The following GSE1 variants were observed in gnomAD, a reference collection of about 807,000 sequenced individuals.
GSE1 encodes Gse1 coiled-coil protein.
Under a neutral mutation model 112.6 loss-of-function variants are expected in GSE1, and 32 were observed. The ratio of observed to expected loss-of-function variants is 0.28; its 90% CI spans 0.21 to 0.38. The LOEUF is 0.38. Among genes scored for constraint, GSE1 ranks in the 10% least tolerant of loss-of-function variants. GSE1 has a pLI of 1.00. For missense variants in GSE1, 2,348 were observed against 1,699.2 expected, an observed-to-expected ratio of 1.38 and a Z score of -6.71; for synonymous variants, 1,115 against 735.6, an observed-to-expected ratio of 1.52 and a Z score of -8.35.
At chr16:85,586,398 G>A (rs1422673919) in intron 1 of GSE1, among the ~76,000 whole-genome samples, 3 of 152,232 alleles carry the variant, frequency 2.0e-5, no homozygotes, top group East Asian at 3.9e-4. Context: ...AGTGCCGGGA[G>A]GGACAGCCCC....
At chr16:85,555,624 A>G, upstream of GSE1, 3 of 949,784 alleles carry the variant, frequency 3.2e-6, no homozygotes, top group Non-Finnish European at 3.7e-6. Flanking sequence ...GCTAAGGGGA[A>G]ACAAAACAAA....
chr16:85,665,187 C>T, intron 12 of GSE1, 59 bp downstream of exon 12: 1 of 1,000,908 alleles, frequency 1.0e-6, no homozygotes, highest in African/African-American at 1.6e-5. Context: ...GCTGCCCAGG[C>T]TCAGAGGCGA....
At chr16:85,645,836 G>A (rs535182328) in intron 2 of GSE1, among the ~76,000 whole-genome samples, 14 of 151,972 alleles carry the variant, frequency 9.2e-5, no homozygotes, top group Admixed American at 3.3e-4. Context: ...CTTCTACCAC[G>A]CTTCCTATGC....
intron 1 of GSE1, chr16:85,285,073 A>G (rs996829486): frequency 2.0e-5 from 3 of 152,224 alleles, no homozygotes; most frequent in African/African-American, 7.2e-5. Flanking sequence ...GTTTCAAAGT[A>G]TCTCTCCATG....
intron 1 of GSE1, among the ~76,000 whole-genome samples, chr16:85,220,340 G>A (rs1424932352): frequency 6.6e-6 from 1 of 152,228 alleles, no homozygotes; most frequent in African/African-American, 2.4e-5. Flanking sequence ...GTTGCCAGGA[G>A]CCTTGGCTGG....
intron 2 of GSE1, among the ~76,000 whole-genome samples, chr16:85,487,929 CCCTGGCA>C (rs1279436533): frequency 6.6e-6 from 1 of 152,192 alleles, no homozygotes; most frequent in East Asian, 1.9e-4. Flanking sequence ...TCACTGATGC[CCCTGGCA>C]CCTCTAGGGC....
At chr16:85,490,699 A>C (rs2050983237) in intron 2 of GSE1, 1 of 152,244 alleles carries the variant, frequency 6.6e-6, no homozygotes. Context: ...CTGTGACTCC[A>C]GCCCTGGCTC....
intron 8 of GSE1, among the ~76,000 whole-genome samples, chr16:85,659,194 T>G (rs760885941): frequency 6.6e-6 from 1 of 152,170 alleles, no homozygotes; most frequent in Non-Finnish European, 1.5e-5. Flanking sequence ...CTGGAATAAC[T>G]AGGGAGAGCC....
intron 2 of GSE1, among the ~76,000 whole-genome samples, chr16:85,409,446 C>A (rs1207609006): frequency 4.5e-5 from 1 of 22,308 alleles, no homozygotes; most frequent in Admixed American, 4.5e-4. Flanking sequence ...CAGGGCCCCC[C>A]CGGATAATCC....
intron 1 of GSE1, among the ~76,000 whole-genome samples, chr16:85,229,010 G>A (rs1324285682): frequency 1.3e-5 from 2 of 152,204 alleles, no homozygotes; most frequent in South Asian, 2.1e-4. Context: ...CCAGATGGAC[G>A]TCCACGCTGG....
intron 2 of GSE1, among the ~76,000 whole-genome samples, chr16:85,525,252 C>A (rs1336455688): frequency 6.6e-6 from 1 of 151,678 alleles, no homozygotes; most frequent in East Asian, 1.9e-4. Context: ...CTCACTTGTC[C>A]CCCCCCCACT....
chr16:85,448,018 G>C (rs1460444563), intron 2 of GSE1, among the ~76,000 whole-genome samples: 1 of 152,214 alleles, frequency 6.6e-6, no homozygotes, highest in South Asian at 2.1e-4. Context: ...GGGAGAAGCA[G>C]AGCTGGGAAG....
chr16:85,466,329 A>G (rs1387898330), intron 2 of GSE1, among the ~76,000 whole-genome samples: 1 of 152,142 alleles, frequency 6.6e-6, no homozygotes, highest in African/African-American at 2.4e-5. Flanking sequence ...TTACTCCCCA[A>G]GGAGGAGTGG....
At chr16:85,578,642 A>G (rs943081874) in intron 1 of GSE1, among the ~76,000 whole-genome samples, 2 of 152,232 alleles carry the variant, frequency 1.3e-5, no homozygotes, top group African/African-American at 4.8e-5. Flanking sequence ...CTAACAGAAC[A>G]GCAGGCCAAG....
rs1041334774 is a variant in GSE1, at chr16:85,613,398, G to C, written c.7G>C (p.Gly3Arg). 16 of 1,563,188 alleles carry C rather than the reference G, an allele frequency of 1.0e-5. No individual in the cohort carries two copies. The highest frequency in any genetic ancestry group is 1.4e-5 in the Non-Finnish European group (16 of 1,155,148). The change falls in exon 1 of 16, where the codon GGC (glycine) becomes CGC (arginine). Residue 3 changes from glycine to arginine, a missense_variant and splice_region_variant. Coordinates refer to ENST00000253458, the MANE Select transcript of GSE1 (RefSeq NM_014615.5). MK[G>R]MSHEPKSPSL... ...GGAGCTGCGGGGCCCTGGCATGAAA[G>C]GTGAGCGCGCCGCACCCGGCCGGGG...
chr16:85,607,090 G>A (rs1346228374), upstream of GSE1, among the ~76,000 whole-genome samples: 1 of 149,732 alleles, frequency 6.7e-6, no homozygotes, highest in East Asian at 2.0e-4. Context: ...GGAGGAGGGG[G>A]AGGGGAGCTG....
chr16:85,597,278 C>T (rs999637549), intron 1 of GSE1, among the ~76,000 whole-genome samples: 2 of 145,852 alleles, frequency 1.4e-5, no homozygotes, highest in Admixed American at 7.1e-5. Flanking sequence ...CGTGCCCAGC[C>T]AGGAGAATTG....
chr16:85,288,647 C>T (rs2045113797), intron 1 of GSE1, among the ~76,000 whole-genome samples: 1 of 152,202 alleles, frequency 6.6e-6, no homozygotes, highest in African/African-American at 2.4e-5. Context: ...GGTCAGGATG[C>T]AGTCTATTCT....
intron 1 of GSE1, among the ~76,000 whole-genome samples, chr16:85,307,613 C>CATAG (rs55924118): frequency 4.6e-5 from 7 of 151,784 alleles, no homozygotes; most frequent in African/African-American, 1.7e-4. Flanking sequence ...TGATGGCACA[C>CATAG]AGCATTGCCA....
Sources: allele counts gnomAD v4.1 joint callset (sites outside exome capture counted in the v4.1 genomes callset), GRCh38; gene constraint gnomAD v4.1.1; transcripts MANE v1.5; gene names NCBI Gene and HGNC (gene_info 2026-07-23, HGNC 2026-07-21).